The following PRKN variants were observed in gnomAD, a reference collection of about 807,000 sequenced individuals.
The protein encoded by PRKN is E3 ubiquitin-protein ligase parkin.
In PRKN, 56 loss-of-function variants were observed where a neutral mutation model predicts 59.5. The observed-to-expected ratio is 0.94, with a 90% CI of 0.76 to 1.18. PRKN has a LOEUF of 1.18. Ranked by LOEUF, PRKN falls within the 50% of genes most tolerant of loss-of-function variation. The pLI, the probability that PRKN is intolerant of heterozygous loss-of-function variation, is 0.00. For synonymous variants in PRKN, 250 were observed against 222.1 expected (o/e 1.13, Z -1.12); for missense variants, 657 against 596.4 (o/e 1.10, Z -1.06).
At chr6:161,947,858 A>G (rs1214247957) in intron 6 of PRKN, among the ~76,000 whole-genome samples, 1 of 152,168 alleles carries the variant, frequency 6.6e-6, no homozygotes, top group Non-Finnish European at 1.5e-5. Context: ...TTTTTTATGG[A>G]TTAGAGTTTG....
chr6:162,700,820 CT>C (rs1191803456), intron 1 of PRKN, among the ~76,000 whole-genome samples: 2 of 151,974 alleles, frequency 1.3e-5, no homozygotes, highest in African/African-American at 2.4e-5. Flanking sequence ...TATAAAAGCA[CT>C]TTTATAGTAT....
intron 5 of PRKN, among the ~76,000 whole-genome samples, chr6:162,011,329 A>G (rs1472346705): frequency 3.3e-5 from 1 of 29,924 alleles, no homozygotes; most frequent in Non-Finnish European, 5.3e-5. Context: ...TATAATATAT[A>G]TAATATATTA....
chr6:162,529,546 C>T (rs533070632), intron 1 of PRKN, among the ~76,000 whole-genome samples: 6 of 152,128 alleles, frequency 3.9e-5, no homozygotes, highest in South Asian at 4.1e-4. Context: ...GCAACCCACC[C>T]GCCAAGTTCG....
chr6:162,636,622 A>T (rs757715966), intron 1 of PRKN, among the ~76,000 whole-genome samples: 53 of 152,230 alleles, frequency 3.5e-4, no homozygotes, highest in Non-Finnish European at 3.2e-4. Flanking sequence ...AGAGACAGTG[A>T]CTTGTGTAAA....
Position 161,525,269 on chromosome 6 carries a change from T to C in PRKN, c.1083+23585A>G, listed in dbSNP as rs1478695146. Among the ~76,000 whole-genome samples, 3 of 152,130 alleles carry C rather than the reference T, an allele frequency of 2.0e-5. No homozygotes were observed. The highest frequency in any genetic ancestry group is 2.0e-4 in the Admixed American group (3 of 15,270). On this transcript the variant is annotated intron_variant, in intron 9 of 11. Transcript: ENST00000366898. This position sits in a 1 kb window ranked among gnomAD's most constrained non-coding sequence, Gnocchi z 4.7. ...AATCTTACACTAAAAATTTGCTCTGTAGAGTTGCAAGCCTCAGAAAGTTTA... is the reference window on the plus strand; with the variant it reads ...AATCTTACACTAAAAATTTGCTCTGCAGAGTTGCAAGCCTCAGAAAGTTTA...
At chr6:162,186,879 G>C (rs979687836) in intron 4 of PRKN, among the ~76,000 whole-genome samples, 1 of 152,172 alleles carries the variant, frequency 6.6e-6, no homozygotes, top group Non-Finnish European at 1.5e-5. Flanking sequence ...GTACAGGCTG[G>C]AGAACCATCA....
At position 162,326,388 on chromosome 6, in the gene PRKN, T is replaced by C. The variant is rs1200510670; in HGVS notation, c.172-63623A>G. On this transcript the variant is annotated intron_variant, in intron 2 of 11. Transcript: ENST00000366898. ...CTAAAGCAGTATGTTTGCACTTTTA[T>C]CATTTGCCTTAGGATGAAAAAAAAT... Among the ~76,000 whole-genome samples the C allele has an allele frequency of 2.6e-5, 4 of 152,256 alleles. No homozygotes were observed. In the East Asian group the frequency reaches 7.7e-4, roughly 29 times the overall value.
intron 6 of PRKN, among the ~76,000 whole-genome samples, chr6:161,937,937 C>T (rs1376718142): frequency 6.6e-6 from 1 of 152,202 alleles, no homozygotes; most frequent in African/African-American, 2.4e-5. Context: ...AGATTTCATA[C>T]ATTCTTCCTA....
At chr6:161,795,511 T>C (rs965985508) in intron 6 of PRKN, among the ~76,000 whole-genome samples, 6 of 152,230 alleles carry the variant, frequency 3.9e-5, no homozygotes, top group African/African-American at 1.4e-4. Context: ...GGATTACAGG[T>C]GTGAGCCACC....
At chr6:161,738,280 C>T (rs949552853) in intron 7 of PRKN, among the ~76,000 whole-genome samples, 5 of 152,090 alleles carry the variant, frequency 3.3e-5, no homozygotes, top group South Asian at 2.1e-4. Flanking sequence ...CTTTGTCACT[C>T]GAAGGTGTAT....
At chr6:162,565,822 T>C (rs1479739681) in intron 1 of PRKN, among the ~76,000 whole-genome samples, 3 of 152,296 alleles carry the variant, frequency 2.0e-5, no homozygotes, top group South Asian at 4.1e-4. Context: ...CTCATTTATA[T>C]GTTGCCTACA....
Position 162,339,319 on chromosome 6 carries a change from C to T in PRKN, c.172-76554G>A, listed in dbSNP as rs1158348361. 4.7e-4 allele frequency among the ~76,000 whole-genome samples: 69 copies of T among 146,532 alleles called. 1 individual carries two copies. The highest frequency in any genetic ancestry group is 2.9e-4 in the Non-Finnish European group (19 of 65,838). ...GGGGTCAGCCCCCCGCCCGGCCAGCCGCGCCGTCTGGGAGGGAGGTGGGGG... is the reference window on the plus strand; with the variant it reads ...GGGGTCAGCCCCCCGCCCGGCCAGCTGCGCCGTCTGGGAGGGAGGTGGGGG... On this transcript the variant is annotated intron_variant, in intron 2 of 11. Coordinates refer to ENST00000366898, the MANE Select transcript of PRKN (RefSeq NM_004562.3).
intron 7 of PRKN, among the ~76,000 whole-genome samples, chr6:161,635,836 GA>G (rs1783493743): frequency 6.6e-6 from 1 of 152,190 alleles, no homozygotes; most frequent in African/African-American, 2.4e-5. Flanking sequence ...CACTTCCCTA[GA>G]CAATCCTGAA....
At chr6:161,856,942 A>AT (rs1202009803) in intron 6 of PRKN, among the ~76,000 whole-genome samples, 5 of 152,252 alleles carry the variant, frequency 3.3e-5, no homozygotes, top group African/African-American at 4.8e-5. Context: ...AAAAGTTGAC[A>AT]TTTTTTTCTG....
intron 7 of PRKN, among the ~76,000 whole-genome samples, chr6:161,735,335 A>C (rs150973735): frequency 2.3e-3 from 350 of 152,276 alleles, no homozygotes; most frequent in African/African-American, 7.9e-3. Flanking sequence ...GAAGACCTTT[A>C]TGATGATCCA....
intron 2 of PRKN, among the ~76,000 whole-genome samples, chr6:162,282,975 T>C (rs1780982965): frequency 6.6e-6 from 1 of 151,884 alleles, no homozygotes; most frequent in South Asian, 2.1e-4. Flanking sequence ...TAAGCTTTCC[T>C]TTCTTTCTTT....
At chr6:161,658,599 C>T (rs1330930362) in intron 7 of PRKN, among the ~76,000 whole-genome samples, 1 of 152,160 alleles carries the variant, frequency 6.6e-6, no homozygotes, top group Non-Finnish European at 1.5e-5. Flanking sequence ...CACATGCTGT[C>T]TTTACCGGTA....
chr6:162,287,241 T>G (rs1781234730), intron 2 of PRKN, among the ~76,000 whole-genome samples: 1 of 152,130 alleles, frequency 6.6e-6, no homozygotes, highest in African/African-American at 2.4e-5. Flanking sequence ...GATTTGTCTG[T>G]GAGGAAAAGA....
At chr6:162,332,705 C>T (rs1439366035) in intron 2 of PRKN, among the ~76,000 whole-genome samples, 2 of 152,134 alleles carry the variant, frequency 1.3e-5, no homozygotes, top group African/African-American at 2.4e-5. Flanking sequence ...ATCTTGGAAT[C>T]GCACTGTGTG....
Sources: allele counts gnomAD v4.1 joint callset (sites outside exome capture counted in the v4.1 genomes callset), GRCh38; gene constraint gnomAD v4.1.1; non-coding constraint Gnocchi (gnomAD v3.1); transcripts MANE v1.5; gene names NCBI Gene and HGNC (gene_info 2026-07-23, HGNC 2026-07-21).